PARP12: variants seen among roughly 807,000 people sequenced by gnomAD.
The protein encoded by PARP12 is poly(ADP-ribose) polymerase family member 12.
A neutral mutation model predicts 72.4 loss-of-function variants in PARP12; 59 were observed. The ratio of observed to expected loss-of-function variants is 0.81; its 90% CI spans 0.66 to 1.01. PARP12 has a LOEUF of 1.01. Among genes scored for constraint, PARP12 ranks in the 50% least tolerant of loss-of-function variants. The pLI, the probability that PARP12 is intolerant of heterozygous loss-of-function variation, is 0.00. For missense variants in PARP12, 851 were observed against 914.0 expected, an observed-to-expected ratio of 0.93 and a Z score of 0.89; for synonymous variants, 403 against 371.4, an observed-to-expected ratio of 1.09 and a Z score of -0.98.
At chr7:140,061,709 T>C (rs959274722) in intron 1 of PARP12, among the ~76,000 whole-genome samples, 1 of 152,156 alleles carries the variant, frequency 6.6e-6, no homozygotes, top group African/African-American at 2.4e-5. Flanking sequence ...CACATCCCAC[T>C]GGCCACATGC....
At chr7:140,052,732 T>TTGTGTG (rs9340762) in intron 4 of PARP12, among the ~76,000 whole-genome samples, 6,585 of 145,754 alleles carry the variant, frequency 0.045, 249 homozygotes, top group East Asian at 0.11. Context: ...AAGACCCCTT[T>TTGTGTG]TGTGTGTGTG....
intron 8 of PARP12, chr7:140,033,277 T>C (rs1569526688): frequency 7.1e-6 from 7 of 985,466 alleles, no homozygotes; most frequent in Non-Finnish European, 8.4e-6. Flanking sequence ...CAAGGCAGTT[T>C]CGTGGACTGA....
Position 140,024,410 on chromosome 7 carries a change from T to C in PARP12, c.*150A>G. On this transcript the variant is annotated 3_prime_UTR_variant, in exon 12 of 12. Transcript: ENST00000263549. ...AAAAGTGACTTAAAAGTAAAAATCA[T>C]TATTAGCAAGAGATTAAGAACATAA... 1 of 923,130 alleles carries C rather than the reference T, an allele frequency of 1.1e-6. No individual in the cohort carries two copies. Among genetic ancestry groups the C allele is most frequent in the Non-Finnish European group, 1.7e-6 (1 of 593,022 alleles). 57.2% of individuals were successfully genotyped at this position (923,130 alleles called of 1,614,324 possible). A position where few individuals can be genotyped will look rare whatever the true frequency, so the allele number is the denominator to read the frequency against.
At position 140,034,219 on chromosome 7, in the gene PARP12, C is replaced by T. The variant is rs1163211357; in HGVS notation, c.1421+16G>A. The T allele has an allele frequency of 1.2e-6, 2 of 1,610,028 alleles. No individual in the cohort carries two copies. Among genetic ancestry groups the T allele is most frequent in the Non-Finnish European group, 1.7e-6 (2 of 1,177,638 alleles). ...CTGATTACATCCTAAGTACCAAGCC[C>T]CCCACTGCAACCTACCAGGTTTGCA... On this transcript the variant is annotated intron_variant, in intron 8 of 11. Coordinates refer to ENST00000263549, the MANE Select transcript of PARP12 (RefSeq NM_022750.4).
At chr7:140,039,244 A>G (rs1219674108) in intron 6 of PARP12, among the ~76,000 whole-genome samples, 6 of 152,212 alleles carry the variant, frequency 3.9e-5, no homozygotes. Flanking sequence ...ACAAGAGGAA[A>G]GGAAAAGAAA....
intron 9 of PARP12, 168 bp from the exon 10 acceptor site, chr7:140,027,574 A>G (rs1815783961): frequency 4.5e-6 from 3 of 673,308 alleles, no homozygotes; most frequent in East Asian, 3.1e-5. Context: ...ATCGGTCCTC[A>G]TGAAATGTCA....
At chr7:140,048,517 C>T (rs1478443239) in intron 4 of PARP12, among the ~76,000 whole-genome samples, 1 of 152,154 alleles carries the variant, frequency 6.6e-6, no homozygotes, top group African/African-American at 2.4e-5. Flanking sequence ...ATGCAGCTAG[C>T]TACCTCTGAG....
chr7:140,024,567 C>G lies in PARP12; in HGVS notation c.2099G>C (p.Arg700Pro), dbSNP rs764607102. ...TGGAACACTCCTGTGCGCTCACTGT[C>G]GGCTGCTGAACAGGGAGCCCAAGGC... Reference protein sequence around the residue: ...LLALGSLFSSRQ With the variant: ...LLALGSLFSSPQ Residue 700 changes from arginine (R) to proline (P), a missense_variant, in exon 12 of 12, where the codon CGA becomes CCA. Physicochemically the swap from Arg to Pro is moderately radical, Grantham distance 103. Coordinates refer to ENST00000263549, the MANE Select transcript of PARP12 (RefSeq NM_022750.4). 1 of 1,614,140 alleles carries G rather than the reference C, an allele frequency of 6.2e-7. No individual in the cohort carries two copies. The highest frequency in any genetic ancestry group is 8.5e-7 in the Non-Finnish European group (1 of 1,180,022).
chr7:140,026,348 C>T lies in PARP12; in HGVS notation c.1629G>A (p.Trp543Ter). Residue 543 changes from tryptophan (W) to a stop codon, truncating the protein, a stop_gained and splice_region_variant, in exon 11 of 12, where the codon TGG (tryptophan) becomes TGA (stop). Transcript: ENST00000263549. LOFTEE classifies it high-confidence loss of function. ...TCTGCTTCTGCATCTGTCCTTTTTG[C>T]CTAGAATCACAGAAGAATGTGTGCT... is the stretch of plus-strand genomic sequence containing the variant. Reference protein sequence around the residue: ...QNLALWEVYQWQKGQMQKQNG... With the variant: ...QNLALWEVYQ 1 of 1,607,950 alleles carries T rather than the reference C, an allele frequency of 6.2e-7. No homozygotes were observed.
chr7:140,048,233 C>T (rs1816816501), intron 4 of PARP12, among the ~76,000 whole-genome samples: 1 of 152,204 alleles, frequency 6.6e-6, no homozygotes, highest in Non-Finnish European at 1.5e-5. Flanking sequence ...CCAACATCCA[C>T]ACAATGGCCC....
rs1815730741 is a variant in PARP12, at chr7:140,026,202, C to T, written c.1775G>A (p.Gly592Asp). 1 of 1,614,138 alleles carries T rather than the reference C, an allele frequency of 6.2e-7. No individual in the cohort carries two copies. The highest frequency in any genetic ancestry group is 8.5e-7 in the Non-Finnish European group (1 of 1,180,038). The change falls in exon 11 of 12, where the codon GGC becomes GAC. Residue 592 changes from glycine to aspartate, a missense_variant. This residue lies in a region of PARP12 where 347 missense variants were observed against 396.1 expected (regional missense o/e 0.88). Coordinates refer to ENST00000263549, the MANE Select transcript of PARP12 (RefSeq NM_022750.4). ...RVCGVHGTSY[G>D]KGSYFARDAA... ...GGAGGCCAGTCATGCCTTACCCTTG[C>T]CGTAGGAAGTGCCATGAACACCACA...
Position 140,037,766 on chromosome 7 carries a change from C to G in PARP12, c.1273G>C (p.Ala425Pro). 6.2e-7 allele frequency: 1 copy of G among 1,614,224 alleles called. No individual in the cohort carries two copies. Among genetic ancestry groups the G allele is most frequent in the Non-Finnish European group, 8.5e-7 (1 of 1,180,006 alleles). The change falls in exon 7 of 12, where the codon GCC (alanine) becomes CCC (proline). Residue 425 changes from alanine to proline, a missense_variant. Around this residue, in one of 3 missense-constraint regions of PARP12, gnomAD observed 347 missense variants for 396.1 expected, o/e 0.88. Transcript: ENST00000263549. Reference sequence around the variant, plus strand: ...TTTCCGGCCTGGAACTTCAAGGTGGCTGCCTGGCCGTCAGACCCCGGTGTA... The same window carrying G: ...TTTCCGGCCTGGAACTTCAAGGTGGGTGCCTGGCCGTCAGACCCCGGTGTA... ...YCTPGSDGQA[A>P]TLKFQAGKHN...
intron 2 of PARP12, chr7:140,057,546 T>C (rs1312085983): frequency 8.3e-6 from 3 of 362,078 alleles, no homozygotes; most frequent in Non-Finnish European, 1.0e-5. Flanking sequence ...GAGCTCTCTT[T>C]TCTACAATTC....
chr7:140,062,148 A>T (rs1817480497), intron 1 of PARP12, among the ~76,000 whole-genome samples: 1 of 151,842 alleles, frequency 6.6e-6, no homozygotes, highest in Non-Finnish European at 1.5e-5. Flanking sequence ...GGCAGAGAAA[A>T]CCTTCATTGT....
chr7:140,054,599 C>A, intron 4 of PARP12, 63 bp downstream of exon 4: 1 of 1,368,292 alleles, frequency 7.3e-7, no homozygotes. Flanking sequence ...CAGAGCACAG[C>A]TCTGGGAATG....
Position 140,024,186 on chromosome 7 carries a change from G to C in PARP12, c.*374C>G. Reference sequence around the variant, plus strand: ...TTCTGGAAAAACTATGATGCCATGAGACTCTGAGAAACCGAATCACTGCAG... The same window carrying C: ...TTCTGGAAAAACTATGATGCCATGACACTCTGAGAAACCGAATCACTGCAG... On this transcript the variant is annotated 3_prime_UTR_variant, in exon 12 of 12. Transcript: ENST00000263549. The C allele has an allele frequency of 3.1e-6, 1 of 318,120 alleles. No individual in the cohort carries two copies. Among genetic ancestry groups the C allele is most frequent in the South Asian group, 2.7e-5 (1 of 37,212 alleles). The allele number at this position is 318,120 out of a possible 1,614,324, so 19.7% of individuals were successfully genotyped here.
chr7:140,024,417 CAA>C lies in PARP12; in HGVS notation c.*141_*142del. The stretch of plus-strand genomic sequence containing the variant: ...ACTTAAAAGTAAAAATCATTATTAG[CAA>C]GAGATTAAGAACATAACTTCATTGA... On this transcript the variant is annotated 3_prime_UTR_variant, in exon 12 of 12. Transcript: ENST00000263549. The C allele has an allele frequency of 1.1e-6, 1 of 948,994 alleles. No homozygotes were observed. The highest frequency in any genetic ancestry group is 1.6e-6 in the Non-Finnish European group (1 of 613,108). 58.8% of individuals were successfully genotyped at this position (948,994 alleles called of 1,614,324 possible). A position where few individuals can be genotyped will look rare whatever the true frequency, so the allele number is the denominator to read the frequency against.
In PARP12 at chr7:140,062,894, C is replaced by G; in HGVS notation, c.-47G>C. On this transcript the variant is annotated 5_prime_UTR_variant, in exon 1 of 12. Transcript: ENST00000263549. ...CGGACCGCGGGTGGCGCGACGCGGA[C>G]GGCGGCGGACGCTGGCTGGCGGGCG... The G allele has an allele frequency of 8.2e-7, 1 of 1,218,918 alleles. No homozygotes were observed. The highest frequency in any genetic ancestry group is 1.0e-6 in the Non-Finnish European group (1 of 978,066). The allele number at this position is 1,218,918 out of a possible 1,614,324, so 75.5% of individuals were successfully genotyped here.
At chr7:140,054,539 C>G in intron 4 of PARP12, 123 bp downstream of exon 4, 1 of 771,110 alleles carries the variant, frequency 1.3e-6, no homozygotes, top group Non-Finnish European at 2.2e-6. Flanking sequence ...GCCAAAGTGC[C>G]AAGCCCTGAT....
Sources: allele counts gnomAD v4.1 joint callset (sites outside exome capture counted in the v4.1 genomes callset), GRCh38; gene constraint gnomAD v4.1.1; regional missense constraint gnomAD v4.1.1; transcripts MANE v1.5; gene names NCBI Gene and HGNC (gene_info 2026-07-23, HGNC 2026-07-21).